The following EML6 variants were observed in gnomAD, a reference collection of about 807,000 sequenced individuals.
The protein encoded by EML6 is EMAP like 6, also known as echinoderm microtubule-associated protein-like 6.
In EML6, 154 loss-of-function variants were observed where a neutral mutation model predicts 240.1. The ratio of observed to expected loss-of-function variants is 0.64; its 90% CI spans 0.56 to 0.73. The LOEUF (loss-of-function observed/expected upper bound fraction) is 0.73, where lower values mean the gene tolerates loss of function less well. Among genes scored for constraint, EML6 ranks in the 30% least tolerant of loss-of-function variants. The pLI, the probability that EML6 is intolerant of heterozygous loss-of-function variation, is 0.00. For synonymous variants in EML6, 1,148 were observed against 899.0 expected (o/e 1.28, Z -4.95); for missense variants, 2,964 against 2,474.6 (o/e 1.20, Z -4.20).
At chr2:54,852,296 CAAAT>C (rs1239095441) in intron 10 of EML6, among the ~76,000 whole-genome samples, 1 of 152,182 alleles carries the variant, frequency 6.6e-6, no homozygotes, top group Non-Finnish European at 1.5e-5. Flanking sequence ...ATAAATGTCA[CAAAT>C]AAGACTCTGC....
Position 54,746,414 on chromosome 2 carries a change from C to T in EML6, c.197+21156C>T, listed in dbSNP as rs571066768. ...GTTTGAAAATCTATTTATTGTTTTC[C>T]TTGGGTACAGGCTTGTGATTTCGTT... On this transcript the variant is annotated intron_variant, in intron 2 of 41. Transcript: ENST00000356458. Among the ~76,000 whole-genome samples the T allele has an allele frequency of 5.2e-4, 79 of 151,852 alleles. 1 individual carries two copies. The highest frequency in any genetic ancestry group is 1.8e-3 in the African/African-American group (75 of 41,492).
intron 2 of EML6, among the ~76,000 whole-genome samples, chr2:54,806,143 G>A (rs1302007981): frequency 2.0e-5 from 3 of 152,062 alleles, no homozygotes; most frequent in African/African-American, 7.2e-5. Context: ...ATATATACAT[G>A]TATGTATATA....
chr2:54,822,355 T>C (rs1272831181), intron 5 of EML6, among the ~76,000 whole-genome samples: 1 of 152,168 alleles, frequency 6.6e-6, no homozygotes, highest in Non-Finnish European at 1.5e-5. Flanking sequence ...AAATGTCAAT[T>C]CTCTTTGATC....
chr2:54,836,274 C>T (rs1402372120), intron 7 of EML6, among the ~76,000 whole-genome samples: 1 of 152,192 alleles, frequency 6.6e-6, no homozygotes, highest in African/African-American at 2.4e-5. Context: ...TAAAAGCTAG[C>T]CTGGGTGGGT....
chr2:54,735,284 A>G (rs2103618353), intron 2 of EML6, among the ~76,000 whole-genome samples: 1 of 152,280 alleles, frequency 6.6e-6, no homozygotes, highest in East Asian at 1.9e-4. Flanking sequence ...TCTGGTTTGA[A>G]TTTCATGTGT....
chr2:54,826,737 C>G (rs1572960246), intron 5 of EML6, among the ~76,000 whole-genome samples: 1 of 152,110 alleles, frequency 6.6e-6, no homozygotes, highest in East Asian at 1.9e-4. Context: ...TTTTATGCAA[C>G]TAAAACTGAA....
chr2:54,827,859 G>T, intron 6 of EML6, 108 bp downstream of exon 6: 1 of 732,692 alleles, frequency 1.4e-6, no homozygotes, highest in Admixed American at 2.5e-5. Flanking sequence ...GAACCCTGCT[G>T]AACACTCCCT....
intron 28 of EML6, among the ~76,000 whole-genome samples, chr2:54,944,099 C>T (rs1469994983): frequency 6.6e-6 from 1 of 152,110 alleles, no homozygotes; most frequent in East Asian, 1.9e-4. Context: ...GGCATCTTTT[C>T]ACCCTCTACC....
At chr2:54,824,839 TAG>T (rs1164699906) in intron 5 of EML6, among the ~76,000 whole-genome samples, 4 of 152,166 alleles carry the variant, frequency 2.6e-5, no homozygotes, top group African/African-American at 9.7e-5. Context: ...AGTCTGTGGG[TAG>T]AGACTGCAGA....
chr2:54,743,212 G>A (rs557547698), intron 2 of EML6, among the ~76,000 whole-genome samples: 1 of 152,170 alleles, frequency 6.6e-6, no homozygotes, highest in Non-Finnish European at 1.5e-5. Context: ...CAGGGTGCAC[G>A]CACATACACA....
At chr2:54,840,177 A>G (rs1200411184) in intron 7 of EML6, among the ~76,000 whole-genome samples, 1 of 152,218 alleles carries the variant, frequency 6.6e-6, no homozygotes, top group Non-Finnish European at 1.5e-5. Flanking sequence ...GACAAATTCA[A>G]GTCATTTGGC....
At chr2:54,868,689 T>C (rs1671097350) in intron 14 of EML6, 1 of 152,518 alleles carries the variant, frequency 6.6e-6, no homozygotes, top group African/African-American at 2.4e-5. Flanking sequence ...ATTTGCAGGA[T>C]TCCTTAGCCA....
Position 54,813,400 on chromosome 2 carries a change from C to T in EML6, c.357+9C>T, listed in dbSNP as rs1362281035. ...TTGACTCAGATGGACAGGTGTGTAT[C>T]TTTTTTTAGTTGTTTTATTTAATGA... On this transcript the variant is annotated intron_variant, in intron 3 of 41. Transcript: ENST00000356458. 6.5e-7 allele frequency: 1 copy of T among 1,548,382 alleles called. No individual in the cohort carries two copies.
At chr2:54,744,435 G>A (rs1007298076) in intron 2 of EML6, among the ~76,000 whole-genome samples, 1 of 152,150 alleles carries the variant, frequency 6.6e-6, no homozygotes, top group Non-Finnish European at 1.5e-5. Flanking sequence ...GCGGAGGTGA[G>A]CCATGGAAGC....
chr2:54,896,803 A>G (rs1297727092), intron 21 of EML6, among the ~76,000 whole-genome samples: 2 of 152,196 alleles, frequency 1.3e-5, no homozygotes, highest in African/African-American at 2.4e-5. Flanking sequence ...CATATACACT[A>G]TGGCTCAGGA....
intron 2 of EML6, among the ~76,000 whole-genome samples, chr2:54,796,492 G>T (rs777784253): frequency 2.7e-5 from 4 of 148,952 alleles, no homozygotes; most frequent in African/African-American, 7.4e-5. Flanking sequence ...GTTTTGGTAA[G>T]TTTTTTTTTT....
chr2:54,883,563 C>G (rs185595216), intron 17 of EML6, among the ~76,000 whole-genome samples: 1 of 152,200 alleles, frequency 6.6e-6, no homozygotes, highest in South Asian at 2.1e-4. Context: ...TTCCTTCGTG[C>G]TTGCTGGTGG....
intron 31 of EML6, among the ~76,000 whole-genome samples, chr2:54,953,104 G>A (rs1176769960): frequency 6.6e-6 from 1 of 152,130 alleles, no homozygotes; most frequent in East Asian, 1.9e-4. Context: ...TTTATGAGAA[G>A]TTTGTTTTCA....
At chr2:54,748,050 G>A (rs1683997352) in intron 2 of EML6, among the ~76,000 whole-genome samples, 1 of 152,072 alleles carries the variant, frequency 6.6e-6, no homozygotes, top group Non-Finnish European at 1.5e-5. Flanking sequence ...GGGAAAATGG[G>A]TTCCTTATAG....
Sources: gnomAD v4.1 joint callset for allele counts (sites outside exome capture counted in the v4.1 genomes callset) on GRCh38, gnomAD v4.1.1 for gene constraint, MANE v1.5 for transcripts, NCBI Gene and HGNC (gene_info 2026-07-23, HGNC 2026-07-21) for gene names.